Variants in BCL2L11 observed in about 807,000 individuals in gnomAD.
The protein encoded by BCL2L11 is bcl-2-like protein 11.
In BCL2L11, 15 loss-of-function variants were observed where a neutral mutation model predicts 20.6. The observed-to-expected ratio is 0.73, with a 90% CI of 0.49 to 1.12. BCL2L11 has a LOEUF of 1.12. BCL2L11 is among the 50% of genes most tolerant of loss of function. The probability of loss-of-function intolerance (pLI) is 0.00; values close to 1 mark genes in which losing one functional copy is unlikely to be tolerated. For synonymous variants in BCL2L11, 108 were observed against 92.8 expected, an observed-to-expected ratio of 1.16 and a Z score of -0.94; for missense variants, 292 against 260.9, an observed-to-expected ratio of 1.12 and a Z score of -0.82.
At chr2:111,134,610 TC>T (rs1328680583) in intron 2 of BCL2L11, among the ~76,000 whole-genome samples, 1 of 151,514 alleles carries the variant, frequency 6.6e-6, no homozygotes, top group African/African-American at 2.4e-5. Flanking sequence ...TTTTTCCCCT[TC>T]CAATGTTCTT....
At chr2:111,123,345 T>C in intron 1 of BCL2L11, 1 of 985,496 alleles carries the variant, frequency 1.0e-6, no homozygotes, top group South Asian at 4.7e-5. Flanking sequence ...CTGCGCCCGC[T>C]CCTGTGCTCC....
chr2:111,165,033 A>G lies in BCL2L11; in HGVS notation c.*802A>G, dbSNP rs1177981969. The G allele has an allele frequency of 6.6e-6, 1 of 152,238 alleles. No homozygotes were observed. The highest frequency in any genetic ancestry group is 2.4e-5 in the African/African-American group (1 of 41,464). 9.4% of individuals were successfully genotyped at this position (152,238 alleles called of 1,614,324 possible). A position where few individuals can be genotyped will look rare whatever the true frequency, so the allele number is the denominator to read the frequency against. On this transcript the variant is annotated 3_prime_UTR_variant, in exon 4 of 4. Coordinates refer to ENST00000393256, the MANE Select transcript of BCL2L11 (RefSeq NM_138621.5). ...TTGGTCCAGTGTATTTTCATGATAA[A>G]GTGAAATTGAGTCAGAACAAGAGTT...
chr2:111,134,873 G>T (rs926230692), intron 2 of BCL2L11, among the ~76,000 whole-genome samples: 3 of 152,172 alleles, frequency 2.0e-5, no homozygotes, highest in Non-Finnish European at 4.4e-5. Context: ...GAAATCCCTT[G>T]TCATCTGAAT....
At chr2:111,128,700 C>T (rs1439144687) in intron 2 of BCL2L11, 3 of 1,550,298 alleles carry the variant, frequency 1.9e-6, no homozygotes, top group Non-Finnish European at 1.7e-6. Flanking sequence ...ATTTGTATGG[C>T]CACCACCATA....
At chr2:111,140,672 C>CTGAA (rs1382747443) in intron 2 of BCL2L11, among the ~76,000 whole-genome samples, 1 of 152,172 alleles carries the variant, frequency 6.6e-6, no homozygotes, top group African/African-American at 2.4e-5. Flanking sequence ...AGGCATTAAC[C>CTGAA]TGAAGTAGTC....
intron 2 of BCL2L11, among the ~76,000 whole-genome samples, chr2:111,136,841 A>G (rs1441447984): frequency 6.6e-6 from 1 of 152,220 alleles, no homozygotes; most frequent in Non-Finnish European, 1.5e-5. Flanking sequence ...CTCTGGCTGC[A>G]AAGACTACTC....
chr2:111,122,634 A>G, intron 1 of BCL2L11: 1 of 983,558 alleles, frequency 1.0e-6, no homozygotes, highest in Non-Finnish European at 1.2e-6. Context: ...GCGCGAGGGG[A>G]GGAGCGGGAG....
At chr2:111,122,524 G>C in intron 1 of BCL2L11, 1 of 840,108 alleles carries the variant, frequency 1.2e-6, no homozygotes, top group Non-Finnish European at 1.4e-6. Context: ...CTGCCGATTG[G>C]CTGCGGCGCG....
chr2:111,139,831 G>C (rs2075523765), intron 2 of BCL2L11, among the ~76,000 whole-genome samples: 1 of 152,180 alleles, frequency 6.6e-6, no homozygotes, highest in South Asian at 2.1e-4. Flanking sequence ...CTCTGCCTTG[G>C]ACCAGATCCA....
chr2:111,150,407 G>T, intron 3 of BCL2L11: 1 of 533,572 alleles, frequency 1.9e-6, no homozygotes, highest in Non-Finnish European at 3.0e-6. Flanking sequence ...GCTAAAAAAG[G>T]GATTATTTAT....
intron 2 of BCL2L11, chr2:111,142,470 A>G: frequency 2.7e-6 from 3 of 1,113,618 alleles, no homozygotes; most frequent in Non-Finnish European, 4.0e-6. Flanking sequence ...AGAAGCTTTC[A>G]TTATGTCTTA....
intron 2 of BCL2L11, among the ~76,000 whole-genome samples, chr2:111,140,562 T>G (rs1286889367): frequency 6.6e-6 from 1 of 152,194 alleles, no homozygotes; most frequent in Non-Finnish European, 1.5e-5. Flanking sequence ...CTCGATAACC[T>G]GATTTGTTGA....
chr2:111,145,240 G>A (rs895448422), intron 2 of BCL2L11, among the ~76,000 whole-genome samples: 1 of 152,180 alleles, frequency 6.6e-6, no homozygotes, highest in African/African-American at 2.4e-5. Flanking sequence ...CTCGTTCCCA[G>A]ACTGAGGCTG....
At chr2:111,147,084 T>TAA (rs1467106039) in intron 2 of BCL2L11, among the ~76,000 whole-genome samples, 4 of 152,238 alleles carry the variant, frequency 2.6e-5, no homozygotes, top group Non-Finnish European at 4.4e-5. Flanking sequence ...AATAACTTTT[T>TAA]AAAACTACAC....
chr2:111,151,836 G>A, intron 3 of BCL2L11: 1 of 1,548,854 alleles, frequency 6.5e-7, no homozygotes, highest in African/African-American at 1.4e-5. Flanking sequence ...CAAAACTCCT[G>A]GCATCCTCCA....
chr2:111,159,310 G>T (rs2078279209), intron 3 of BCL2L11, among the ~76,000 whole-genome samples: 1 of 152,200 alleles, frequency 6.6e-6, no homozygotes, highest in Non-Finnish European at 1.5e-5. Context: ...CTTGACCTCT[G>T]TAGTCACTGG....
intron 3 of BCL2L11, chr2:111,151,998 T>C: frequency 1.0e-6 from 1 of 986,808 alleles, no homozygotes; most frequent in Non-Finnish European, 1.5e-6. Context: ...GGTGTTCCTG[T>C]GTGTGACTGG....
chr2:111,153,798 T>C, intron 3 of BCL2L11: 4 of 1,552,200 alleles, frequency 2.6e-6, no homozygotes, highest in Non-Finnish European at 3.5e-6. Context: ...ATAGAGGAAG[T>C]TGTCGTGTAG....
Position 111,152,566 on chromosome 2 carries a change from C to G in BCL2L11, c.498+2419C>G, listed in dbSNP as rs189077967. Among the ~76,000 whole-genome samples the G allele has an allele frequency of 7.4e-4, 113 of 152,352 alleles. 1 individual carries two copies. Among genetic ancestry groups the G allele is most frequent in the African/African-American group, 2.6e-3 (107 of 41,580 alleles). ...CTGCCATGAGTGGTCAGTGACAAGA[C>G]ATAGGCTAAGGCTGGCATGGGGACT... On this transcript the variant is annotated intron_variant, in intron 3 of 3. Coordinates refer to ENST00000393256, the MANE Select transcript of BCL2L11 (RefSeq NM_138621.5).
Sources: allele counts gnomAD v4.1 joint callset (sites outside exome capture counted in the v4.1 genomes callset), GRCh38; gene constraint gnomAD v4.1.1; transcripts MANE v1.5; gene names NCBI Gene and HGNC (gene_info 2026-07-23, HGNC 2026-07-21).